Variants in TTPA observed in about 807,000 individuals in gnomAD.
TTPA encodes the protein alpha-tocopherol transfer protein.
In TTPA, 23 loss-of-function variants were observed where a neutral mutation model predicts 25.9. The observed-to-expected ratio is 0.89, with a 90% CI of 0.64 to 1.26. TTPA has a LOEUF of 1.26. Ranked by LOEUF, TTPA falls within the 50% of genes most tolerant of loss-of-function variation. The pLI is 0.00. For synonymous variants in TTPA, 148 were observed against 137.3 expected (o/e 1.08, Z -0.54); for missense variants, 337 against 353.1 (o/e 0.95, Z 0.37).
intron 2 of TTPA, among the ~76,000 whole-genome samples, chr8:63,069,473 G>C (rs1055070464): frequency 6.6e-6 from 1 of 151,774 alleles, no homozygotes; most frequent in Admixed American, 6.6e-5. Flanking sequence ...TTCATGCCTA[G>C]AATCCCAGCA....
At chr8:63,065,565 G>A (rs1805376038) in intron 3 of TTPA, among the ~76,000 whole-genome samples, 1 of 151,972 alleles carries the variant, frequency 6.6e-6, no homozygotes, top group African/African-American at 2.4e-5. Context: ...CAAGACTTAT[G>A]TGACATTTTA....
intron 2 of TTPA, among the ~76,000 whole-genome samples, chr8:63,072,547 C>T (rs1805498911): frequency 6.6e-6 from 1 of 152,140 alleles, no homozygotes; most frequent in African/African-American, 2.4e-5. Flanking sequence ...GTTCAGAATT[C>T]TTATTTGCAC....
Position 63,059,848 on chromosome 8 carries a change from C to G in TTPA, c.*1404G>C, listed in dbSNP as rs56675911. ...ACACAGGAAGGGGAACATCACACAC[C>G]GGGGCCTATTTATTTATTTTTGAAA... is the stretch of plus-strand genomic sequence containing the variant. On this transcript the variant is annotated 3_prime_UTR_variant, in exon 5 of 5. Transcript: ENST00000260116. 6.6e-6 allele frequency: 1 copy of G among 151,284 alleles called. No homozygotes were observed. The highest frequency in any genetic ancestry group is 1.5e-5 in the Non-Finnish European group (1 of 67,832). The allele number at this position is 151,284 out of a possible 1,614,324, so 9.4% of individuals were successfully genotyped here. A position where few individuals can be genotyped will look rare whatever the true frequency, so the allele number is the denominator to read the frequency against.
chr8:63,073,026 A>G lies in TTPA; in HGVS notation c.267T>C (p.Pro89=). The change falls in exon 2 of 5, where the codon CCT becomes CCC. Residue 89 remains proline (P), a synonymous_variant. Transcript: ENST00000260116. ...CCTTTAGGAGGCCAATAATACTTCT[A>G]GGGTGTAGATCTGCACTTATTTCTG... The part of the protein sequence containing the change: ...ECPEISADLH[P]RSIIGLLKAG... The G allele has an allele frequency of 6.2e-7, 1 of 1,613,782 alleles. No individual in the cohort carries two copies. The highest frequency in any genetic ancestry group is 2.2e-5 in the East Asian group (1 of 44,870).
chr8:63,085,892 G>C lies in TTPA; in HGVS notation c.130C>G (p.Pro44Ala). ...AGGAAGGAGTCGGTGAGCGGCAGCG[G>C]CGCGAGCGGGACGCCAGCTTCCCGG... ...RAREAGVPLA[P>A]LPLTDSFLLR... Residue 44 changes from proline to alanine, a missense_variant, in exon 1 of 5, where the codon CCG (proline) becomes GCG (alanine). By Grantham distance (27) the Pro-to-Ala change is conservative. Coordinates refer to ENST00000260116, the MANE Select transcript of TTPA (RefSeq NM_000370.3). 6.5e-7 allele frequency: 1 copy of C among 1,530,428 alleles called. No individual in the cohort carries two copies. The allele number at this position is 1,530,428 out of a possible 1,614,324, so 94.8% of individuals were successfully genotyped here. A position where few individuals can be genotyped will look rare whatever the true frequency, so the allele number is the denominator to read the frequency against.
intron 1 of TTPA, among the ~76,000 whole-genome samples, chr8:63,084,339 CAGT>C (rs1187354073): frequency 6.6e-6 from 1 of 152,164 alleles, no homozygotes; most frequent in African/African-American, 2.4e-5. Context: ...GAGGAATGCC[CAGT>C]CAGTGATGGA....
chr8:63,072,034 C>T (rs947765246), intron 2 of TTPA, among the ~76,000 whole-genome samples: 16 of 152,282 alleles, frequency 1.1e-4, no homozygotes, highest in African/African-American at 3.6e-4. Context: ...CAACAGCTCC[C>T]AGAGGAGTTG....
chr8:63,061,075 TA>T lies in TTPA; in HGVS notation c.*176del. ...CTTCAAAAGTAGAGAAAAAAGCATT[TA>T]AAAAGTAAAAAATCTTTCCAAACAC... On this transcript the variant is annotated 3_prime_UTR_variant, in exon 5 of 5. Transcript: ENST00000260116. The T allele has an allele frequency of 1.5e-6, 1 of 651,890 alleles. No individual in the cohort carries two copies. Among genetic ancestry groups the T allele is most frequent in the Non-Finnish European group, 2.6e-6 (1 of 389,552 alleles). 40.4% of individuals were successfully genotyped at this position (651,890 alleles called of 1,614,324 possible).
intron 1 of TTPA, among the ~76,000 whole-genome samples, chr8:63,080,416 A>G (rs1428155212): frequency 2.0e-5 from 3 of 152,210 alleles, no homozygotes; most frequent in Non-Finnish European, 4.4e-5. Flanking sequence ...AAATTGATAG[A>G]CTGCTAGCAA....
At chr8:63,063,235 T>C (rs1193194636) in intron 4 of TTPA, among the ~76,000 whole-genome samples, 1 of 152,210 alleles carries the variant, frequency 6.6e-6, no homozygotes, top group Non-Finnish European at 1.5e-5. Flanking sequence ...TCTAAATAGA[T>C]GCTCTAAAAA....
intron 1 of TTPA, among the ~76,000 whole-genome samples, chr8:63,077,449 T>C (rs549546814): frequency 6.6e-6 from 1 of 152,268 alleles, no homozygotes; most frequent in Admixed American, 6.5e-5. Flanking sequence ...ACAGGACACT[T>C]CCACCCAAAT....
rs1277720405 is a variant in TTPA at position 63,085,853 on chromosome 8, G to A, written c.169C>T (p.Arg57Cys). The A allele has an allele frequency of 6.5e-7, 1 of 1,536,272 alleles. No individual in the cohort carries two copies. The highest frequency in any genetic ancestry group is 2.1e-4 in the Middle Eastern group (1 of 4,744). Residue 57 changes from arginine to cysteine, a missense_variant, in exon 1 of 5, where the codon CGC (arginine) becomes TGC (cysteine). Coordinates refer to ENST00000260116, the MANE Select transcript of TTPA (RefSeq NM_000370.3). The stretch of plus-strand genomic sequence containing the variant: ...AGGTCCAGATCGAAATCCCGGGCGC[G>A]CAGGAACCGCAGCAGGAAGGAGTCG... ...LTDSFLLRFL[R>C]ARDFDLDLAW...
chr8:63,072,410 G>A (rs567321078), intron 2 of TTPA, among the ~76,000 whole-genome samples: 27 of 152,106 alleles, frequency 1.8e-4, no homozygotes, highest in Non-Finnish European at 2.5e-4. Flanking sequence ...TTACAGGTAT[G>A]CACCACCACA....
intron 4 of TTPA, among the ~76,000 whole-genome samples, chr8:63,061,807 G>A (rs970297087): frequency 2.0e-5 from 3 of 152,124 alleles, no homozygotes; most frequent in African/African-American, 7.2e-5. Flanking sequence ...TGTACTAGCT[G>A]GTACTAATTC....
At chr8:63,072,466 T>G (rs1297019899) in intron 2 of TTPA, among the ~76,000 whole-genome samples, 2 of 152,214 alleles carry the variant, frequency 1.3e-5, no homozygotes, top group African/African-American at 4.8e-5. Context: ...TTTCACCATG[T>G]TGGCCAGGTT....
chr8:63,071,240 T>A (rs976144714), intron 2 of TTPA, among the ~76,000 whole-genome samples: 11 of 152,086 alleles, frequency 7.2e-5, no homozygotes, highest in Admixed American at 7.2e-4. Context: ...CAAAAAAAAT[T>A]AAAAAACAGC....
At chr8:63,078,020 C>T (rs529861707) in intron 1 of TTPA, among the ~76,000 whole-genome samples, 92 of 152,298 alleles carry the variant, frequency 6.0e-4, no homozygotes, top group Non-Finnish European at 1.2e-3. Flanking sequence ...CTGCAGCCTT[C>T]GCTGGTGACA....
rs199846799 is a variant in TTPA, at chr8:63,083,185, C to G, written c.204+2633G>C. Among the ~76,000 whole-genome samples, 26 of 152,306 alleles carry G rather than the reference C, an allele frequency of 1.7e-4. No homozygotes were observed. In the East Asian group the frequency reaches 4.0e-3, roughly 24 times the overall value. ...TCATGCTGCTATAAAGACACATGCACACGTATGTTTACTGCGGCACTATTC... is the reference window on the plus strand; with the variant it reads ...TCATGCTGCTATAAAGACACATGCAGACGTATGTTTACTGCGGCACTATTC... On this transcript the variant is annotated intron_variant, in intron 1 of 4. Transcript: ENST00000260116.
chr8:63,082,702 G>C (rs1324649840), intron 1 of TTPA, among the ~76,000 whole-genome samples: 1 of 152,156 alleles, frequency 6.6e-6, no homozygotes, highest in Non-Finnish European at 1.5e-5. Flanking sequence ...AGAATGAAGA[G>C]GCAACCTACA....
Sources: allele counts gnomAD v4.1 joint callset (sites outside exome capture counted in the v4.1 genomes callset), GRCh38; gene constraint gnomAD v4.1.1; transcripts MANE v1.5; gene names NCBI Gene and HGNC (gene_info 2026-07-23, HGNC 2026-07-21).